TNFRSF25: variants seen among roughly 807,000 people sequenced by gnomAD.
TNFRSF25 encodes the protein tumor necrosis factor receptor superfamily member 25.
Under a neutral mutation model 49.4 loss-of-function variants are expected in TNFRSF25, and 28 were observed. The ratio of observed to expected loss-of-function variants is 0.57; its 90% CI spans 0.42 to 0.78. TNFRSF25 has a LOEUF of 0.78. Ranked by LOEUF, TNFRSF25 falls within the 30% of genes least tolerant of loss-of-function variation. TNFRSF25 has a pLI of 0.00. For missense variants in TNFRSF25, 531 were observed against 581.6 expected (o/e 0.91, Z 0.90); for synonymous variants, 240 against 234.2 (o/e 1.02, Z -0.23).
chr1:6,463,466 C>T (rs1383705087), intron 5 of TNFRSF25: 1 of 296,406 alleles, frequency 3.4e-6, no homozygotes, highest in South Asian at 5.0e-5. Flanking sequence ...GTGGCTCATG[C>T]CTGTAATCCC....
chr1:6,465,118 A>T lies in TNFRSF25; in HGVS notation c.265T>A (p.Cys89Ser). The T allele has an allele frequency of 6.2e-7, 1 of 1,614,026 alleles. No individual in the cohort carries two copies. Among genetic ancestry groups the T allele is most frequent in the Non-Finnish European group, 8.5e-7 (1 of 1,179,972 alleles). The change falls in exon 3 of 10, where the codon TGT becomes AGT. Residue 89 changes from cysteine to serine, a missense_variant. Physicochemically the swap from Cys to Ser is moderately radical, Grantham distance 112 (BLOSUM62 -1). Transcript: ENST00000356876. ...LAWENHHNSE[C>S]ARCQACDEQA... ...TCATCACAGGCCTGGCAGCGGGCACATTCAGAATTATGGTGGTTCTCCCAG... is the reference window on the plus strand; with the variant it reads ...TCATCACAGGCCTGGCAGCGGGCACTTTCAGAATTATGGTGGTTCTCCCAG...
chr1:6,465,341 C>T (rs1232970711), intron 2 of TNFRSF25, 99 bp downstream of exon 2: 3 of 1,590,588 alleles, frequency 1.9e-6, no homozygotes, highest in South Asian at 2.3e-5. Context: ...GTCAGCCTAC[C>T]CCTACCTCCC....
In TNFRSF25 at chr1:6,461,463, A is replaced by T; in HGVS notation, c.1225T>A (p.Leu409Met). The T allele has an allele frequency of 6.5e-7, 1 of 1,547,122 alleles. No homozygotes were observed. Among genetic ancestry groups the T allele is most frequent in the Non-Finnish European group, 8.7e-7 (1 of 1,148,314 alleles). Reference protein sequence around the residue: ...RMGLDGCVEDLRSRLQRGP With the variant: ...RMGLDGCVEDMRSRLQRGP ...GGGCCGCGCTGCAGGCGGCTGCGCA[A>T]GTCTTCCACGCAGCCGTCCAGCCCC... The change falls in exon 10 of 10, where the codon TTG becomes ATG. Residue 409 changes from leucine (L) to methionine (M), a missense_variant. Coordinates refer to ENST00000356876, the MANE Select transcript of TNFRSF25 (RefSeq NM_003790.3). This position sits in a 1 kb window ranked among gnomAD's most constrained non-coding sequence, Gnocchi z 6.3.
intron 3 of TNFRSF25, 139 bp downstream of exon 3, chr1:6,464,949 T>C: frequency 7.3e-7 from 1 of 1,375,606 alleles, no homozygotes; most frequent in Non-Finnish European, 9.9e-7. Context: ...AAGGGCACCC[T>C]GAAGGAGGAT....
At chr1:6,465,839 G>A (rs915159223) in intron 1 of TNFRSF25, 1 of 1,424,762 alleles carries the variant, frequency 7.0e-7, no homozygotes. Context: ...GCTTTCTGTT[G>A]GGGGAGGGAC....
In TNFRSF25 at chr1:6,465,177, G is replaced by A; in HGVS notation, c.206C>T (p.Thr69Ile). 6.2e-7 allele frequency: 1 copy of A among 1,613,676 alleles called. No homozygotes were observed. The highest frequency in any genetic ancestry group is 8.5e-7 in the Non-Finnish European group (1 of 1,179,978). The change falls in exon 3 of 10, where the codon ACC (threonine) becomes ATC (isoleucine). Residue 69 changes from threonine (T) to isoleucine (I), a missense_variant. Physicochemically the swap from Thr to Ile is moderately conservative, Grantham distance 89 (BLOSUM62 -1). Transcript: ENST00000356876. Reference sequence around the variant, plus strand: ...GGTGTCTTGGGGACACACAAGGCAGGTGGAGTTGCCGCAGGGCTCCGTGCA... The same window carrying A: ...GGTGTCTTGGGGACACACAAGGCAGATGGAGTTGCCGCAGGGCTCCGTGCA... The part of the protein sequence containing the change: ...APCTEPCGNS[T>I]CLVCPQDTFL...
intron 1 of TNFRSF25, 44 bp from the exon 2 acceptor site, chr1:6,465,604 G>T: frequency 1.3e-6 from 2 of 1,593,958 alleles, no homozygotes; most frequent in East Asian, 2.3e-5. Context: ...CTGCCCACGT[G>T]GGGCCTCTCC....
intron 5 of TNFRSF25, 185 bp from the exon 6 acceptor site, chr1:6,463,312 A>T: frequency 1.6e-6 from 1 of 633,112 alleles, no homozygotes; most frequent in Non-Finnish European, 2.7e-6. Flanking sequence ...AGCTTCTTCT[A>T]GACTACATGA....
At chr1:6,464,081 T>G in intron 5 of TNFRSF25, 1 of 1,260,100 alleles carries the variant, frequency 7.9e-7, no homozygotes, top group Non-Finnish European at 1.0e-6. Flanking sequence ...TAAAGCTATA[T>G]CAATGTGACT....
chr1:6,464,330 G>A, intron 5 of TNFRSF25, 45 bp downstream of exon 5: 9 of 1,569,892 alleles, frequency 5.7e-6, no homozygotes, highest in Non-Finnish European at 7.8e-6. Context: ...CCCCTGCTCT[G>A]CTCCCAGCCG....
intron 3 of TNFRSF25, 29 bp from the exon 4 acceptor site, chr1:6,464,748 G>A (rs762137967): frequency 8.7e-6 from 14 of 1,607,228 alleles, no homozygotes; most frequent in Non-Finnish European, 1.2e-5. Context: ...GATGGGGAGT[G>A]GAGAGTTAGT....
In TNFRSF25 at chr1:6,462,979, A is replaced by G; in HGVS notation, c.599-9T>C. 1.3e-6 allele frequency: 2 copies of G among 1,583,372 alleles called. No homozygotes were observed. Among genetic ancestry groups the G allele is most frequent in the Non-Finnish European group, 1.7e-6 (2 of 1,164,122 alleles). Reference sequence around the variant, plus strand: ...CACCTGGACCCAGAACACTGAAAGCAGCTGGTGGGTGTTGGGTGGTTGCCC... The same window carrying G: ...CACCTGGACCCAGAACACTGAAAGCGGCTGGTGGGTGTTGGGTGGTTGCCC... On this transcript the variant is annotated splice_polypyrimidine_tract_variant and intron_variant, in intron 6 of 9. Coordinates refer to ENST00000356876, the MANE Select transcript of TNFRSF25 (RefSeq NM_003790.3). This position sits in a 1 kb window ranked among gnomAD's most constrained non-coding sequence, Gnocchi z 4.2.
At position 6,465,871 on chromosome 1, in the gene TNFRSF25, GC is replaced by G. The variant is rs892955222; in HGVS notation, c.39+197del. The G allele has an allele frequency of 2.8e-5, 40 of 1,420,184 alleles. No individual in the cohort carries two copies. In the African/African-American group the frequency reaches 4.5e-4, roughly 16 times the overall value. 88.0% of individuals were successfully genotyped at this position (1,420,184 alleles called of 1,614,324 possible). A position where few individuals can be genotyped will look rare whatever the true frequency, so the allele number is the denominator to read the frequency against. On this transcript the variant is annotated intron_variant, in intron 1 of 9. Transcript: ENST00000356876. ...GGACACTGATAATGCTCTGCCTGGG[GC>G]CCCCAGACCCTCCTGGGAGGGGTTT...
In TNFRSF25 at chr1:6,460,902, G is replaced by C; in HGVS notation, c.*532C>G. The C allele has an allele frequency of 3.0e-6, 1 of 336,734 alleles. No individual in the cohort carries two copies. Among genetic ancestry groups the C allele is most frequent in the South Asian group, 2.5e-5 (1 of 40,744 alleles). 20.9% of individuals were successfully genotyped at this position (336,734 alleles called of 1,614,324 possible). A position where few individuals can be genotyped will look rare whatever the true frequency, so the allele number is the denominator to read the frequency against. ...ATCCCGACCCTGTCTCCGCCACCTC[G>C]CAGCCCCATTAAAGCGCTCTCATCT... On this transcript the variant is annotated 3_prime_UTR_variant, in exon 10 of 10. Transcript: ENST00000356876.
Position 6,461,725 on chromosome 1 carries a change from TG to T in TNFRSF25, c.962del (p.Pro321GlnfsTer7). 6.5e-7 allele frequency: 1 copy of T among 1,548,698 alleles called. No individual in the cohort carries two copies. Among genetic ancestry groups the T allele is most frequent in the Non-Finnish European group, 8.7e-7 (1 of 1,152,948 alleles). The part of the protein sequence containing the change: ...AAAPTLSPES[P>X]AGSPAMMLQP... ...GCAGCATCATGGCTGGCGAGCCGGC[TG>T]GGGACTCTGGCGAGAGTGTGGGCGC... On this transcript the variant is annotated frameshift_variant, in exon 10 of 10. Coordinates refer to ENST00000356876, the MANE Select transcript of TNFRSF25 (RefSeq NM_003790.3). LOFTEE classifies it high-confidence loss of function. This position sits in a 1 kb window ranked among gnomAD's most constrained non-coding sequence, Gnocchi z 6.3.
chr1:6,461,246 C>T lies in TNFRSF25; in HGVS notation c.*188G>A. 10 of 774,356 alleles carry T rather than the reference C, an allele frequency of 1.3e-5. No homozygotes were observed. The South Asian group carries it at 1.3e-4, about 10-fold the overall frequency. 48.0% of individuals were successfully genotyped at this position (774,356 alleles called of 1,614,324 possible). Reference sequence around the variant, plus strand: ...GAGAAATGTCTTCACCCCCTCTCGACATTCGTTCGTGCTTCTTCGCCTTGG... The same window carrying T: ...GAGAAATGTCTTCACCCCCTCTCGATATTCGTTCGTGCTTCTTCGCCTTGG... On this transcript the variant is annotated 3_prime_UTR_variant, in exon 10 of 10. Transcript: ENST00000356876. This position sits in a 1 kb window ranked among gnomAD's most constrained non-coding sequence, Gnocchi z 6.3.
Position 6,464,360 on chromosome 1 carries a change from A to G in TNFRSF25, c.542+15T>C. 6.3e-7 allele frequency: 1 copy of G among 1,599,522 alleles called. No individual in the cohort carries two copies. Among genetic ancestry groups the G allele is most frequent in the South Asian group, 1.1e-5 (1 of 88,516 alleles). On this transcript the variant is annotated intron_variant, in intron 5 of 9. Coordinates refer to ENST00000356876, the MANE Select transcript of TNFRSF25 (RefSeq NM_003790.3). ...CAGCCGCCCTTCCCTCCATCCCACGACAGCTAGGAATTACGTGGGGCAGGA... is the reference window on the plus strand; with the variant it reads ...CAGCCGCCCTTCCCTCCATCCCACGGCAGCTAGGAATTACGTGGGGCAGGA...
At chr1:6,464,854 A>G in intron 3 of TNFRSF25, 135 bp from the exon 4 acceptor site, 1 of 1,253,942 alleles carries the variant, frequency 8.0e-7, no homozygotes, top group South Asian at 1.5e-5. Flanking sequence ...GCTACCCTAA[A>G]AAAGAGAGAA....
At position 6,462,681 on chromosome 1, in the gene TNFRSF25, G is replaced by A. The variant is rs761193438; in HGVS notation, c.707-15C>T. The stretch of plus-strand genomic sequence containing the variant: ...AGCTTCATCTGCTGACAGACACAGA[G>A]AGATTGCGGTCAGCCACCAGGCAAG... On this transcript the variant is annotated splice_polypyrimidine_tract_variant and intron_variant, in intron 7 of 9. Transcript: ENST00000356876. The surrounding 1 kb of genome is among the most constrained non-coding windows in gnomAD (Gnocchi z 4.2). The A allele has an allele frequency of 3.1e-6, 5 of 1,613,170 alleles. No homozygotes were observed. In the South Asian group the frequency reaches 4.4e-5, roughly 14 times the overall value.
Sources: allele counts gnomAD v4.1 joint callset, GRCh38; gene constraint gnomAD v4.1.1; non-coding constraint Gnocchi (gnomAD v3.1); transcripts MANE v1.5; gene names NCBI Gene and HGNC (gene_info 2026-07-23, HGNC 2026-07-21).